The following NT5DC3 variants were observed in gnomAD, a reference collection of about 807,000 sequenced individuals.
NT5DC3 encodes the protein 5'-nucleotidase domain-containing protein 3.
Under a neutral mutation model 67.8 loss-of-function variants are expected in NT5DC3, and 42 were observed. The ratio of observed to expected loss-of-function variants is 0.62; its 90% CI spans 0.48 to 0.80. The LOEUF (loss-of-function observed/expected upper bound fraction) is 0.80, where lower values mean the gene tolerates loss of function less well. NT5DC3 is among the 30% of genes least tolerant of loss of function. NT5DC3 has a pLI of 0.00. For synonymous variants in NT5DC3, 237 were observed against 255.6 expected (o/e 0.93, Z 0.69); for missense variants, 570 against 696.4 (o/e 0.82, Z 2.04).
At chr12:103,797,111 G>C (rs1053314296) in intron 5 of NT5DC3, 80 bp from the exon 6 acceptor site, 25 of 1,499,338 alleles carry the variant, frequency 1.7e-5, no homozygotes, top group Non-Finnish European at 2.3e-5. Flanking sequence ...GGAACAGCAG[G>C]AAGCCTTTTC....
At chr12:103,787,640 T>C (rs2139321812) in intron 10 of NT5DC3, 113 bp from the exon 11 acceptor site, 2 of 534,752 alleles carry the variant, frequency 3.7e-6, no homozygotes, top group East Asian at 6.0e-5. Context: ...ATTTTAAATA[T>C]CAAAATATAA....
chr12:103,761,517 G>C, the NT5DC3 span: 8 of 993,376 alleles, frequency 8.1e-6, no homozygotes, highest in South Asian at 6.0e-5. Flanking sequence ...TTCCTCCAGA[G>C]ACTGGAGGAG....
chr12:103,746,759 G>A, the NT5DC3 span: 1 of 1,571,172 alleles, frequency 6.4e-7, no homozygotes, highest in South Asian at 1.1e-5. Context: ...AGAGGAGCAG[G>A]ACTTGCTCAC....
chr12:103,796,522 T>C (rs1405847993), intron 6 of NT5DC3, among the ~76,000 whole-genome samples: 2 of 151,858 alleles, frequency 1.3e-5, no homozygotes, highest in Admixed American at 1.3e-4. Context: ...CAAGACTCTG[T>C]TCAAAAAAAA....
At chr12:103,755,028 T>C in the NT5DC3 span, 4 of 418,454 alleles carry the variant, frequency 9.6e-6, no homozygotes, top group African/African-American at 5.9e-5. Context: ...TATCAATGGA[T>C]GACAGCAAAT....
At chr12:103,771,830 A>C (rs942964713), downstream of NT5DC3, among the ~76,000 whole-genome samples, 52 of 152,242 alleles carry the variant, frequency 3.4e-4, 2 homozygotes. Flanking sequence ...GAAGCAGCCC[A>C]TATTTCAGGC....
At chr12:103,751,882 C>T in the NT5DC3 span, among the ~76,000 whole-genome samples, 1 of 152,194 alleles carries the variant, frequency 6.6e-6, no homozygotes, top group Non-Finnish European at 1.5e-5. Context: ...GACCTCCCTT[C>T]TGTTGGAGCT....
intron 1 of NT5DC3, among the ~76,000 whole-genome samples, chr12:103,832,645 T>C (rs752898944): frequency 6.6e-6 from 1 of 151,932 alleles, no homozygotes; most frequent in African/African-American, 2.4e-5. Flanking sequence ...TTACAGAAAA[T>C]CATAACACTC....
At position 103,841,212 on chromosome 12, in the gene NT5DC3, G is replaced by C. The variant is rs932148339; in HGVS notation, c.-56C>G. 8 of 542,416 alleles carry C rather than the reference G, an allele frequency of 1.5e-5. No homozygotes were observed. The highest frequency in any genetic ancestry group is 1.4e-4 in the African/African-American group (7 of 48,838). The allele number at this position is 542,416 out of a possible 1,614,324, so 33.6% of individuals were successfully genotyped here. A position where few individuals can be genotyped will look rare whatever the true frequency, so the allele number is the denominator to read the frequency against. On this transcript the variant is annotated 5_prime_UTR_variant, in exon 1 of 14. Coordinates refer to ENST00000392876, the MANE Select transcript of NT5DC3 (RefSeq NM_001031701.3). ...CGCCGCTCTGCGACTGCTGCTGCCC[G>C]GCCCAAGATCTACCCGCGCTCTGCC... is the stretch of plus-strand genomic sequence containing the variant.
the NT5DC3 span, among the ~76,000 whole-genome samples, chr12:103,748,280 C>A: frequency 2.6e-5 from 4 of 152,296 alleles, no homozygotes; most frequent in Admixed American, 6.5e-5. Context: ...TGTATTTATT[C>A]TTCCAGGGTC....
chr12:103,788,992 C>T (rs1309819463), intron 9 of NT5DC3, 73 bp from the exon 10 acceptor site: 37 of 1,015,654 alleles, frequency 3.6e-5, no homozygotes, highest in South Asian at 2.2e-4. Flanking sequence ...ACCAGTTATT[C>T]ACTATCACAG....
At chr12:103,795,258 G>T (rs532169148) in intron 6 of NT5DC3, among the ~76,000 whole-genome samples, 2 of 152,272 alleles carry the variant, frequency 1.3e-5, no homozygotes, top group African/African-American at 2.4e-5. Flanking sequence ...TTGTAAAATG[G>T]TAAGAATAGT....
intron 1 of NT5DC3, 49 bp downstream of exon 1, chr12:103,840,900 C>A: frequency 8.6e-7 from 1 of 1,167,392 alleles, no homozygotes; most frequent in Non-Finnish European, 1.1e-6. Context: ...CCCAGCTGAG[C>A]GCGCAGGAGG....
chr12:103,750,173 A>G, the NT5DC3 span, among the ~76,000 whole-genome samples: 1 of 152,238 alleles, frequency 6.6e-6, no homozygotes, highest in Non-Finnish European at 1.5e-5. Flanking sequence ...GGTTACAACA[A>G]AAAGACAGAG....
downstream of NT5DC3, chr12:103,766,500 G>C: frequency 1.3e-6 from 1 of 761,254 alleles, no homozygotes; most frequent in Non-Finnish European, 2.1e-6. Context: ...GGTGAGAGAT[G>C]TGTTGCTGTG....
chr12:103,835,777 G>A (rs1449431774), intron 1 of NT5DC3, among the ~76,000 whole-genome samples: 1 of 152,148 alleles, frequency 6.6e-6, no homozygotes, highest in Non-Finnish European at 1.5e-5. Flanking sequence ...ATCCTCCTCG[G>A]ACTGTCACAC....
At chr12:103,763,336 G>C in the NT5DC3 span, 1 of 654,900 alleles carries the variant, frequency 1.5e-6, no homozygotes, top group South Asian at 1.8e-5. Flanking sequence ...CTAAAGGTTG[G>C]TAAATTTTAT....
the NT5DC3 span, among the ~76,000 whole-genome samples, chr12:103,756,318 GACA>G: frequency 1.2e-4 from 19 of 152,276 alleles, no homozygotes; most frequent in African/African-American, 3.1e-4. Context: ...CAGTAATAAT[GACA>G]ACAACAGTAA....
chr12:103,805,319 G>A (rs117126693), intron 4 of NT5DC3, among the ~76,000 whole-genome samples: 5,047 of 152,288 alleles, frequency 0.033, 175 homozygotes, highest in Admixed American at 0.099. Context: ...GGGGAGCACA[G>A]AAGATTACTG....
Sources: gnomAD v4.1 joint callset for allele counts (sites outside exome capture counted in the v4.1 genomes callset) on GRCh38, gnomAD v4.1.1 for gene constraint, MANE v1.5 for transcripts, NCBI Gene and HGNC (gene_info 2026-07-23, HGNC 2026-07-21) for gene names.